CDCA7: variants seen among roughly 807,000 people sequenced by gnomAD.
CDCA7 encodes cell division cycle associated 7.
In CDCA7, 28 loss-of-function variants were observed where a neutral mutation model predicts 54.0. The ratio of observed to expected loss-of-function variants is 0.52; its 90% CI spans 0.38 to 0.71. The LOEUF is 0.71. Among genes scored for constraint, CDCA7 ranks in the 30% least tolerant of loss-of-function variants. The pLI is 0.00. For missense variants in CDCA7, 484 were observed against 586.0 expected (o/e 0.83, Z 1.80); for synonymous variants, 180 against 208.2 (o/e 0.86, Z 1.16).
chr2:173,364,540 A>C (rs1351210933), intron 5 of CDCA7: 1 of 338,422 alleles, frequency 3.0e-6, no homozygotes, highest in Non-Finnish European at 5.2e-6. Flanking sequence ...CATTTCTTAC[A>C]TCTTCATTAA....
At chr2:173,364,194 C>T (rs2106391215) in intron 5 of CDCA7, 1 of 264,388 alleles carries the variant, frequency 3.8e-6, no homozygotes, top group Non-Finnish European at 7.1e-6. Flanking sequence ...TTCTGTTCTC[C>T]AGTGTGAGCA....
intron 1 of CDCA7, among the ~76,000 whole-genome samples, chr2:173,355,398 G>C (rs115659185): frequency 0.011 from 1,719 of 152,202 alleles, 35 homozygotes; most frequent in African/African-American, 0.038. Context: ...CTCGGAGCCA[G>C]TGCGTGGCTC....
chr2:173,367,928 A>C lies in CDCA7; in HGVS notation c.*264A>C. 3.9e-6 allele frequency: 2 copies of C among 507,182 alleles called. No homozygotes were observed. The highest frequency in any genetic ancestry group is 7.0e-6 in the Non-Finnish European group (2 of 287,630). 31.4% of individuals were successfully genotyped at this position (507,182 alleles called of 1,614,324 possible). A position where few individuals can be genotyped will look rare whatever the true frequency, so the allele number is the denominator to read the frequency against. On this transcript the variant is annotated 3_prime_UTR_variant, in exon 10 of 10. Coordinates refer to ENST00000306721, the MANE Select transcript of CDCA7 (RefSeq NM_031942.5). ...CCTCTATTTCCAATGCTCCTCTCCA[A>C]CCGCTTAGTTTCTGAATTTCTTTTA... is the stretch of plus-strand genomic sequence containing the variant.
At position 173,359,508 on chromosome 2, in the gene CDCA7, C is replaced by A; in HGVS notation, c.384+17C>A. 1 of 1,598,708 alleles carries A rather than the reference C, an allele frequency of 6.3e-7. No homozygotes were observed. The highest frequency in any genetic ancestry group is 2.2e-5 in the East Asian group (1 of 44,766). The stretch of plus-strand genomic sequence containing the variant: ...GATGGAATGGTGAGTTCGAGAATTT[C>A]ACCAGTTTCAAGAAGTAAGATACAT... On this transcript the variant is annotated intron_variant, in intron 3 of 9. Transcript: ENST00000306721.
chr2:173,365,779 A>G (rs1382123851), intron 7 of CDCA7, among the ~76,000 whole-genome samples, 187 bp downstream of exon 7: 1 of 152,240 alleles, frequency 6.6e-6, no homozygotes, highest in African/African-American at 2.4e-5. Context: ...CAGTGGAATT[A>G]TCTGCTTAGT....
At chr2:173,362,048 G>C (rs925844209) in intron 3 of CDCA7, among the ~76,000 whole-genome samples, 1 of 152,106 alleles carries the variant, frequency 6.6e-6, no homozygotes, top group African/African-American at 2.4e-5. Context: ...AACTCCTGAC[G>C]TCAGGTGATC....
chr2:173,367,266 T>C lies in CDCA7; in HGVS notation c.1302T>C (p.Asn434=). The change falls in exon 9 of 10, where the codon AAT becomes AAC. Residue 434 remains asparagine (N), a synonymous_variant. Transcript: ENST00000306721. ...TAGCCAAATATCATGGCTTTGGGAA[T>C]GTGCATGCCTACTTGAAAAGGTAGT... ...VYLAKYHGFG[N]VHAYLKSLKQ... is the part of the protein sequence containing the mutation. 1.9e-6 allele frequency: 3 copies of C among 1,614,040 alleles called. No homozygotes were observed. Among genetic ancestry groups the C allele is most frequent in the East Asian group, 2.2e-5 (1 of 44,868 alleles).
At chr2:173,356,731 G>T (rs1038467663) in intron 1 of CDCA7, among the ~76,000 whole-genome samples, 1 of 152,120 alleles carries the variant, frequency 6.6e-6, no homozygotes, top group African/African-American at 2.4e-5. Context: ...TCTCGAACTC[G>T]TGGGCTCAAG....
At chr2:173,364,019 A>G in intron 5 of CDCA7, 124 bp downstream of exon 5, 1 of 824,138 alleles carries the variant, frequency 1.2e-6, no homozygotes, top group Non-Finnish European at 2.0e-6. Context: ...GGGGACCTAG[A>G]GGAAACCCCC....
intron 7 of CDCA7, 75 bp downstream of exon 7, chr2:173,365,667 C>T: frequency 6.5e-7 from 1 of 1,527,220 alleles, no homozygotes; most frequent in Non-Finnish European, 8.8e-7. Context: ...TAAGCGTTGC[C>T]CAGGTTCTAA....
At chr2:173,359,874 A>G (rs1255510486) in intron 3 of CDCA7, among the ~76,000 whole-genome samples, 1 of 152,222 alleles carries the variant, frequency 6.6e-6, no homozygotes, top group Non-Finnish European at 1.5e-5. Flanking sequence ...TGTTGGTCTC[A>G]TAGTAGATCT....
Position 173,358,785 on chromosome 2 carries a change from C to T in CDCA7, c.95C>T (p.Ser32Leu). 2.5e-6 allele frequency: 4 copies of T among 1,613,928 alleles called. No individual in the cohort carries two copies. The highest frequency in any genetic ancestry group is 3.4e-6 in the Non-Finnish European group (4 of 1,179,930). Residue 32 changes from serine (S) to leucine (L), a missense_variant, in exon 2 of 10, where the codon TCA becomes TTA. Physicochemically the swap from Ser to Leu is moderately radical, Grantham distance 145 (BLOSUM62 -2). This residue lies in a region of CDCA7 where 398 missense variants were observed against 447.4 expected (regional missense o/e 0.89). Transcript: ENST00000306721. ...AAGTTGATTTCCATGGAAACCTCGT[C>T]ATCCTCTGATGACAGTTGTGACAGC... ...YVKLISMETSSSSDDSCDSFA... is the reference protein window; with the variant it reads ...YVKLISMETSLSSDDSCDSFA...
At chr2:173,358,242 T>C (rs949110265) in intron 1 of CDCA7, among the ~76,000 whole-genome samples, 2 of 152,038 alleles carry the variant, frequency 1.3e-5, no homozygotes, top group Non-Finnish European at 2.9e-5. Context: ...TTAAAGATTT[T>C]TGGGTCCAGA....
In CDCA7 at chr2:173,355,076, G is replaced by A. The variant is rs564430705; in HGVS notation, c.21+92G>A. ...CGACCCTCTCCAACTCCGCAGCCTAGCGCTGCCTTAACTGGTGGCCTGCCT... is the reference window on the plus strand; with the variant it reads ...CGACCCTCTCCAACTCCGCAGCCTAACGCTGCCTTAACTGGTGGCCTGCCT... On this transcript the variant is annotated intron_variant, in intron 1 of 9. Coordinates refer to ENST00000306721, the MANE Select transcript of CDCA7 (RefSeq NM_031942.5). 803 of 1,236,538 alleles carry A rather than the reference G, an allele frequency of 6.5e-4. 7 individuals are homozygous for A. The African/African-American group carries it at 0.011, about 17-fold the overall frequency. The allele number at this position is 1,236,538 out of a possible 1,614,324, so 76.6% of individuals were successfully genotyped here. A position where few individuals can be genotyped will look rare whatever the true frequency, so the allele number is the denominator to read the frequency against.
At chr2:173,359,946 A>G (rs1686588596) in intron 3 of CDCA7, among the ~76,000 whole-genome samples, 1 of 152,162 alleles carries the variant, frequency 6.6e-6, no homozygotes, top group Admixed American at 6.5e-5. Context: ...AGATAATGAC[A>G]TTGAGGGCCC....
chr2:173,363,203 A>G (rs760824771), intron 3 of CDCA7, 23 bp from the exon 4 acceptor site: 96 of 1,608,956 alleles, frequency 6.0e-5, no homozygotes, highest in African/African-American at 1.6e-4. Context: ...ATCAAGTCCT[A>G]ATGACTCAAT....
At chr2:173,356,689 G>C (rs1293150287) in intron 1 of CDCA7, among the ~76,000 whole-genome samples, 1 of 152,134 alleles carries the variant, frequency 6.6e-6, no homozygotes, top group Non-Finnish European at 1.5e-5. Context: ...GTTTTTAGTA[G>C]AGACGGGGTT....
chr2:173,364,319 A>G (rs569296756), intron 5 of CDCA7: 2 of 165,016 alleles, frequency 1.2e-5, no homozygotes, highest in South Asian at 1.9e-4. Context: ...ACACAATTGC[A>G]TTCTGAGGAA....
chr2:173,363,251 G>A lies in CDCA7; in HGVS notation c.410G>A (p.Cys137Tyr). Residue 137 changes from cysteine (C) to tyrosine (Y), a missense_variant, in exon 4 of 10, where the codon TGT becomes TAT. Physicochemically the swap from Cys to Tyr is radical, Grantham distance 194. This residue lies in a region of CDCA7 where 398 missense variants were observed against 447.4 expected (regional missense o/e 0.89). Transcript: ENST00000306721. Reference sequence around the variant, plus strand: ...AGGCTGCAGTCAGTTCGGGAAGGCTGTAGGACCCGCAGCCAGTGCAGGCAC... The same window carrying A: ...AGGCTGCAGTCAGTTCGGGAAGGCTATAGGACCCGCAGCCAGTGCAGGCAC... The part of the protein sequence containing the change: ...GMRLQSVREG[C>Y]RTRSQCRHSG... The A allele has an allele frequency of 6.2e-7, 1 of 1,614,184 alleles. No homozygotes were observed. Among genetic ancestry groups the A allele is most frequent in the Non-Finnish European group, 8.5e-7 (1 of 1,180,030 alleles).
Sources: gnomAD v4.1 joint callset for allele counts (sites outside exome capture counted in the v4.1 genomes callset) on GRCh38, gnomAD v4.1.1 for gene constraint, gnomAD v4.1.1 regional missense constraint, MANE v1.5 for transcripts, NCBI Gene and HGNC (gene_info 2026-07-23, HGNC 2026-07-21) for gene names.